The following ARHGEF4 variants were observed in gnomAD, a reference collection of about 807,000 sequenced individuals.
ARHGEF4 encodes APC-stimulated guanine nucleotide exchange factor 1.
ARHGEF4 carries 119 observed loss-of-function variants against 162.0 expected under a neutral mutation model. The ratio of observed to expected loss-of-function variants is 0.73; its 90% CI spans 0.63 to 0.86. The LOEUF is 0.86. ARHGEF4 is among the 40% of genes least tolerant of loss of function. The pLI is 0.00. For synonymous variants in ARHGEF4, 1,014 were observed against 979.9 expected (o/e 1.03, Z -0.65); for missense variants, 2,488 against 2,456.0 (o/e 1.01, Z -0.28).
intron 2 of ARHGEF4, among the ~76,000 whole-genome samples, chr2:130,929,492 T>C (rs1286517121): frequency 6.6e-6 from 1 of 152,220 alleles, no homozygotes; most frequent in Non-Finnish European, 1.5e-5. Context: ...TGCAAAATAC[T>C]GTAATCTCCC....
chr2:130,956,439 A>G (rs1487850862), intron 4 of ARHGEF4, among the ~76,000 whole-genome samples: 1 of 152,006 alleles, frequency 6.6e-6, no homozygotes, highest in Non-Finnish European at 1.5e-5. Context: ...AGAACTAGAA[A>G]TACCATTTGA....
intron 4 of ARHGEF4, among the ~76,000 whole-genome samples, chr2:131,018,542 C>A (rs1688902929): frequency 6.6e-6 from 1 of 152,102 alleles, no homozygotes. Flanking sequence ...TTCTTCCATT[C>A]TATGGGTTGC....
intron 1 of ARHGEF4, chr2:130,837,832 G>T: frequency 4.3e-6 from 1 of 231,014 alleles, no homozygotes. Context: ...CCAGGGGGAG[G>T]CAGACCTGTG....
At position 130,914,840 on chromosome 2, in the gene ARHGEF4, G is replaced by C; in HGVS notation, c.894G>C (p.Leu298Phe). 1 of 1,464,788 alleles carries C rather than the reference G, an allele frequency of 6.8e-7. No individual in the cohort carries two copies. The highest frequency in any genetic ancestry group is 9.0e-7 in the Non-Finnish European group (1 of 1,107,690). The allele number at this position is 1,464,788 out of a possible 1,614,324, so 90.7% of individuals were successfully genotyped here. A position where few individuals can be genotyped will look rare whatever the true frequency, so the allele number is the denominator to read the frequency against. Reference protein sequence around the residue: ...PHSDVPCQPPLRTSCLLRTNR... With the variant: ...PHSDVPCQPPFRTSCLLRTNR... ...CGGATGTCCCCTGCCAGCCTCCTTT[G>C]AGGACATCTTGCCTCCTACGCACCA... The change falls in exon 2 of 14, where the codon TTG becomes TTC. Residue 298 changes from leucine to phenylalanine, a missense_variant. Coordinates refer to ENST00000409359, the MANE Select transcript of ARHGEF4 (RefSeq NM_001367493.1).
At chr2:131,012,100 G>C (rs1688490255) in intron 4 of ARHGEF4, among the ~76,000 whole-genome samples, 1 of 151,822 alleles carries the variant, frequency 6.6e-6, no homozygotes, top group Non-Finnish European at 1.5e-5. Context: ...CTGAGATCAG[G>C]ACGCCTGTGG....
At chr2:130,987,567 C>T (rs1256949361) in intron 4 of ARHGEF4, among the ~76,000 whole-genome samples, 2 of 152,144 alleles carry the variant, frequency 1.3e-5, no homozygotes, top group African/African-American at 4.8e-5. Context: ...TTTCAATCCT[C>T]CCCATTATTG....
At chr2:130,894,440 T>C (rs973464446) in intron 1 of ARHGEF4, among the ~76,000 whole-genome samples, 5 of 152,206 alleles carry the variant, frequency 3.3e-5, no homozygotes, top group African/African-American at 9.6e-5. Context: ...AATCCAGTAG[T>C]CGCTTTGGGC....
chr2:130,987,137 C>G (rs1418084783), intron 4 of ARHGEF4, among the ~76,000 whole-genome samples: 1 of 152,234 alleles, frequency 6.6e-6, no homozygotes, highest in Non-Finnish European at 1.5e-5. Flanking sequence ...GGGAGCAGAG[C>G]TGTGGGCAGC....
chr2:130,970,182 A>G (rs1685265905), intron 4 of ARHGEF4, among the ~76,000 whole-genome samples: 2 of 152,180 alleles, frequency 1.3e-5, no homozygotes, highest in Non-Finnish European at 2.9e-5. Flanking sequence ...GTTATATGGT[A>G]AGTGCGTGTT....
At chr2:131,035,373 A>G in intron 5 of ARHGEF4, 1 of 944,166 alleles carries the variant, frequency 1.1e-6, no homozygotes, top group Non-Finnish European at 1.3e-6. Context: ...CTTCCACCCC[A>G]TGTGCTCACT....
intron 1 of ARHGEF4, among the ~76,000 whole-genome samples, chr2:130,903,201 A>G (rs1574195441): frequency 6.9e-6 from 1 of 145,874 alleles, no homozygotes; most frequent in South Asian, 2.2e-4. Flanking sequence ...TAATGCTAAC[A>G]TCTCTGCTGG....
rs1164756403 is a variant in ARHGEF4, at chr2:130,916,287, C to T, written c.2341C>T (p.Leu781Phe). 1 of 1,531,492 alleles carries T rather than the reference C, an allele frequency of 6.5e-7. No individual in the cohort carries two copies. The highest frequency in any genetic ancestry group is 2.1e-5 in the Admixed American group (1 of 48,074). 94.9% of individuals were successfully genotyped at this position (1,531,492 alleles called of 1,614,324 possible). The change falls in exon 2 of 14, where the codon CTC (leucine) becomes TTC (phenylalanine). Residue 781 changes from leucine to phenylalanine, a missense_variant. Leu to Phe is a conservative substitution (Grantham distance 22, BLOSUM62 0). Around this residue, in one of 6 missense-constraint regions of ARHGEF4, gnomAD observed 1,642 missense variants for 1,481.5 expected, o/e 1.11. Transcript: ENST00000409359. ...ALEPPQPPRG[L>F]RKGAQEPGKR... ...GGAGCCGCCCCAGCCGCCACGCGGG[C>T]TCCGCAAGGGCGCGCAGGAGCCTGG...
intron 4 of ARHGEF4, among the ~76,000 whole-genome samples, chr2:130,971,118 A>AT (rs1462611665): frequency 2.0e-5 from 3 of 152,144 alleles, no homozygotes; most frequent in South Asian, 4.1e-4. Context: ...GTGAAGGTTC[A>AT]TTTTTTTGCA....
At chr2:131,045,798 C>G (rs983459542) in intron 13 of ARHGEF4, 1 of 1,428,732 alleles carries the variant, frequency 7.0e-7, no homozygotes. Context: ...CATCACATGC[C>G]TTTGCACAGG....
intron 1 of ARHGEF4, among the ~76,000 whole-genome samples, chr2:130,901,404 T>C (rs1303826274): frequency 6.6e-6 from 1 of 152,202 alleles, no homozygotes; most frequent in Non-Finnish European, 1.5e-5. Context: ...ATAGCCCTTG[T>C]TGGGCTTTCC....
At chr2:130,941,268 G>A (rs982863933) in intron 3 of ARHGEF4, among the ~76,000 whole-genome samples, 2 of 150,702 alleles carry the variant, frequency 1.3e-5, no homozygotes, top group South Asian at 2.1e-4. Context: ...GTGCAGTGGC[G>A]TGATCTCAGC....
At chr2:130,974,438 CTTTT>C (rs893254333) in intron 4 of ARHGEF4, among the ~76,000 whole-genome samples, 2 of 151,604 alleles carry the variant, frequency 1.3e-5, no homozygotes, top group Non-Finnish European at 2.9e-5. Flanking sequence ...AATCCTAGCT[CTTTT>C]TGTTTGTTGT....
chr2:130,959,881 T>C (rs1041747955), intron 4 of ARHGEF4, among the ~76,000 whole-genome samples: 12 of 152,222 alleles, frequency 7.9e-5, no homozygotes, highest in Non-Finnish European at 1.5e-4. Flanking sequence ...AGCCTGTCTC[T>C]AGACTTAGAC....
chr2:130,882,161 T>G (rs1017464785), intron 1 of ARHGEF4, among the ~76,000 whole-genome samples: 2 of 152,112 alleles, frequency 1.3e-5, no homozygotes, highest in Admixed American at 6.5e-5. Context: ...AGGGGCTGTT[T>G]GTTTGTTCGT....
Sources: allele counts gnomAD v4.1 joint callset (sites outside exome capture counted in the v4.1 genomes callset), GRCh38; gene constraint gnomAD v4.1.1; regional missense constraint gnomAD v4.1.1; transcripts MANE v1.5; gene names NCBI Gene and HGNC (gene_info 2026-07-23, HGNC 2026-07-21).